Variants in KCTD1 observed in about 807,000 individuals in gnomAD.
KCTD1 encodes BTB/POZ domain-containing protein KCTD1.
KCTD1 carries 24 observed loss-of-function variants against 66.0 expected under a neutral mutation model. The ratio of observed to expected loss-of-function variants is 0.36; its 90% CI spans 0.26 to 0.51. The LOEUF (loss-of-function observed/expected upper bound fraction) is 0.51, where lower values mean the gene tolerates loss of function less well. Among genes scored for constraint, KCTD1 ranks in the 20% least tolerant of loss-of-function variants. The pLI, the probability that KCTD1 is intolerant of heterozygous loss-of-function variation, is 0.95. For synonymous variants in KCTD1, 511 were observed against 517.2 expected, an observed-to-expected ratio of 0.99 and a Z score of 0.16; for missense variants, 943 against 1,205.2, an observed-to-expected ratio of 0.78 and a Z score of 3.22.
chr18:26,469,395 C>G (rs373579341), intron 3 of KCTD1, among the ~76,000 whole-genome samples: 32 of 152,134 alleles, frequency 2.1e-4, no homozygotes, highest in African/African-American at 7.5e-4. Context: ...GTTTTTCCCT[C>G]CCCAGCACCT....
At chr18:26,628,014 T>A (rs1032080084) in intron 1 of KCTD1, among the ~76,000 whole-genome samples, 7 of 152,198 alleles carry the variant, frequency 4.6e-5, no homozygotes, top group African/African-American at 1.7e-4. Flanking sequence ...GTTCCCACCA[T>A]GTGATCTGCC....
At chr18:26,585,126 G>A (rs1204770723) in intron 1 of KCTD1, among the ~76,000 whole-genome samples, 1 of 152,104 alleles carries the variant, frequency 6.6e-6, no homozygotes, top group African/African-American at 2.4e-5. Flanking sequence ...GCTTTTGGGA[G>A]CCAAAGAGAA....
chr18:26,626,317 G>A (rs1018852841), intron 1 of KCTD1, among the ~76,000 whole-genome samples: 1 of 152,064 alleles, frequency 6.6e-6, no homozygotes, highest in Non-Finnish European at 1.5e-5. Flanking sequence ...CAGGGCTTGA[G>A]GGAAGCAGAC....
intron 1 of KCTD1, among the ~76,000 whole-genome samples, chr18:26,510,466 C>G (rs574594377): frequency 2.0e-5 from 3 of 152,352 alleles, no homozygotes; most frequent in East Asian, 3.9e-4. Flanking sequence ...TGTTACCCTT[C>G]TTGCTGTGGG....
At chr18:26,593,528 G>T (rs1156765340) in intron 1 of KCTD1, among the ~76,000 whole-genome samples, 1 of 85,962 alleles carries the variant, frequency 1.2e-5, no homozygotes, top group Non-Finnish European at 2.4e-5. Context: ...AAGAAGACAA[G>T]GAGAAGGAGG....
At chr18:26,569,896 G>A (rs1052301572) in intron 1 of KCTD1, among the ~76,000 whole-genome samples, 17 of 152,122 alleles carry the variant, frequency 1.1e-4, no homozygotes, top group Admixed American at 5.9e-4. Context: ...TTAACTAAAA[G>A]GTCACATAGG....
rs1985310970 is a variant in KCTD1, at chr18:26,547,552, A to G, written c.985T>C (p.Leu329=). 6.4e-7 allele frequency: 1 copy of G among 1,551,438 alleles called. No homozygotes were observed. Among genetic ancestry groups the G allele is most frequent in the Non-Finnish European group, 8.7e-7 (1 of 1,146,918 alleles). The change falls in exon 1 of 5, where the codon TTG becomes CTG. Residue 329 remains leucine, a synonymous_variant. Transcript: ENST00000580059. ...CTRGRENQRE[L]EEDSFGLAMD... is the part of the protein sequence containing the mutation. ...GCCAGCCCAAAAGAGTCCTCCTCCAACTCACGCTGGTTCTCGCGGCCGCGG... is the reference window on the plus strand; with the variant it reads ...GCCAGCCCAAAAGAGTCCTCCTCCAGCTCACGCTGGTTCTCGCGGCCGCGG...
intron 1 of KCTD1, among the ~76,000 whole-genome samples, chr18:26,528,093 C>T (rs985547626): frequency 1.3e-5 from 2 of 152,188 alleles, no homozygotes; most frequent in Admixed American, 1.3e-4. Flanking sequence ...TTGGTTCTCT[C>T]TGTGGTCTGA....
intron 1 of KCTD1, among the ~76,000 whole-genome samples, chr18:26,538,947 G>T (rs1267380639): frequency 6.6e-6 from 1 of 152,320 alleles, no homozygotes; most frequent in East Asian, 1.9e-4. Context: ...GCCACACACC[G>T]GAAACATTCT....
chr18:26,590,291 G>A (rs893978481), intron 1 of KCTD1, among the ~76,000 whole-genome samples: 1 of 151,388 alleles, frequency 6.6e-6, no homozygotes, highest in Non-Finnish European at 1.5e-5. Flanking sequence ...GTTTCACCGT[G>A]TTGGCCAAGC....
chr18:26,473,095 A>G (rs1981156186), intron 3 of KCTD1, among the ~76,000 whole-genome samples: 1 of 152,234 alleles, frequency 6.6e-6, no homozygotes, highest in African/African-American at 2.4e-5. Flanking sequence ...ATAAAGTAGC[A>G]TGGAGAATAA....
intron 3 of KCTD1, among the ~76,000 whole-genome samples, chr18:26,470,005 T>G (rs551205306): frequency 6.6e-6 from 1 of 152,252 alleles, no homozygotes; most frequent in South Asian, 2.1e-4. Context: ...TGAAGATATA[T>G]ACACAAAATA....
chr18:26,608,968 G>C (rs1356120327), intron 1 of KCTD1, among the ~76,000 whole-genome samples: 2 of 152,110 alleles, frequency 1.3e-5, no homozygotes, highest in African/African-American at 2.4e-5. Flanking sequence ...ATTCTGGTGG[G>C]GCTCAGTAAA....
chr18:26,573,024 C>T (rs1014146747), intron 1 of KCTD1, among the ~76,000 whole-genome samples: 7 of 151,852 alleles, frequency 4.6e-5, no homozygotes, highest in African/African-American at 1.7e-4. Flanking sequence ...ATAACCACCC[C>T]CCCCTTTTTT....
intron 1 of KCTD1, among the ~76,000 whole-genome samples, chr18:26,616,510 T>TAC (rs1369841587): frequency 6.6e-6 from 1 of 151,290 alleles, no homozygotes; most frequent in Admixed American, 6.6e-5. Context: ...CATACATACA[T>TAC]ACACACACAC....
chr18:26,628,933 C>T (rs148936808), intron 1 of KCTD1, among the ~76,000 whole-genome samples: 3 of 152,272 alleles, frequency 2.0e-5, no homozygotes, highest in East Asian at 3.9e-4. Context: ...GGAGAGTTTC[C>T]GATTACTCTT....
intron 1 of KCTD1, among the ~76,000 whole-genome samples, chr18:26,592,177 T>C (rs746394180): frequency 6.6e-6 from 1 of 152,178 alleles, no homozygotes; most frequent in African/African-American, 2.4e-5. Context: ...CTCTTAAGAG[T>C]AGAATTGTCT....
intron 1 of KCTD1, chr18:26,599,557 G>T: frequency 6.6e-7 from 1 of 1,509,042 alleles, no homozygotes; most frequent in Non-Finnish European, 9.2e-7. Flanking sequence ...ACCAGCTGTT[G>T]CAGTCTGCCC....
intron 2 of KCTD1, among the ~76,000 whole-genome samples, chr18:26,492,327 C>T (rs993919298): frequency 2.0e-5 from 3 of 151,988 alleles, no homozygotes; most frequent in African/African-American, 7.3e-5. Flanking sequence ...TAACCTGCCC[C>T]TGAGTTTGAG....
Sources: gnomAD v4.1 joint callset for allele counts (sites outside exome capture counted in the v4.1 genomes callset) on GRCh38, gnomAD v4.1.1 for gene constraint, MANE v1.5 for transcripts, NCBI Gene and HGNC (gene_info 2026-07-23, HGNC 2026-07-21) for gene names.